Variants in PTPRM observed in about 807,000 individuals in gnomAD.
PTPRM encodes receptor-type tyrosine-protein phosphatase mu.
In PTPRM, 47 loss-of-function variants were observed where a neutral mutation model predicts 186.7. The ratio of observed to expected loss-of-function variants is 0.25; its 90% CI spans 0.20 to 0.32. PTPRM has a LOEUF of 0.32. Ranked by LOEUF, PTPRM falls within the 10% of genes least tolerant of loss-of-function variation. The probability of loss-of-function intolerance (pLI) is 1.00; values close to 1 mark genes in which losing one functional copy is unlikely to be tolerated. For synonymous variants in PTPRM, 668 were observed against 674.9 expected (o/e 0.99, Z 0.16); for missense variants, 1,494 against 1,865.0 (o/e 0.80, Z 3.66).
intron 1 of PTPRM, among the ~76,000 whole-genome samples, chr18:7,707,497 C>T (rs1219923725): frequency 2.6e-5 from 4 of 151,606 alleles, no homozygotes; most frequent in East Asian, 1.9e-4. Context: ...AAATTAGCTG[C>T]GTGTAGTGGT....
chr18:7,674,121 A>G (rs1208141273), intron 1 of PTPRM, among the ~76,000 whole-genome samples: 3 of 152,042 alleles, frequency 2.0e-5, no homozygotes, highest in Non-Finnish European at 4.4e-5. Flanking sequence ...GAGGAAAGAG[A>G]AGGGGGTTCT....
At chr18:8,103,381 C>G (rs767725947) in intron 11 of PTPRM, among the ~76,000 whole-genome samples, 4 of 152,232 alleles carry the variant, frequency 2.6e-5, no homozygotes, top group Non-Finnish European at 4.4e-5. Context: ...ATGACTTTAG[C>G]TAGATCTTCT....
At chr18:8,289,567 T>TATATACATATATATATACAC (rs2095013625) in intron 19 of PTPRM, among the ~76,000 whole-genome samples, 1 of 123,690 alleles carries the variant, frequency 8.1e-6, no homozygotes, top group African/African-American at 3.7e-5. Context: ...TATACACATA[T>TATATACATATATATATACAC]ATATATATAC....
rs749718741 is a variant in PTPRM at position 8,069,876 on chromosome 18, C to G, written c.1323C>G (p.His441Gln). Residue 441 changes from histidine (H) to glutamine (Q), a missense_variant, in exon 8 of 33, where the codon CAC (histidine) becomes CAG (glutamine). Physicochemically the swap from His to Gln is conservative, Grantham distance 24 (BLOSUM62 0). Transcript: ENST00000580170. ...TAAGCTGGGATACAGAAAACTCACA[C>G]CCTCAACACACGATCACTAACCTGT... ...EEVSWDTENS[H>Q]PQHTITNLSP... 3.7e-6 allele frequency: 6 copies of G among 1,613,570 alleles called. No homozygotes were observed. In the South Asian group the frequency reaches 6.6e-5, roughly 18 times the overall value.
chr18:7,594,203 A>G (rs1357069452), intron 1 of PTPRM, among the ~76,000 whole-genome samples: 1 of 152,210 alleles, frequency 6.6e-6, no homozygotes, highest in Non-Finnish European at 1.5e-5. Context: ...ATAAAAAGAA[A>G]AGAAAATTGT....
At chr18:8,143,172 T>C (rs1042236031) in intron 13 of PTPRM, among the ~76,000 whole-genome samples, 2 of 152,202 alleles carry the variant, frequency 1.3e-5, no homozygotes, top group Non-Finnish European at 2.9e-5. Flanking sequence ...AAATGCATGG[T>C]AAATGAGCTT....
At chr18:8,107,726 A>G (rs1028413882) in intron 11 of PTPRM, among the ~76,000 whole-genome samples, 2 of 152,242 alleles carry the variant, frequency 1.3e-5, no homozygotes, top group Non-Finnish European at 2.9e-5. Flanking sequence ...AGTTGCTAAT[A>G]TAGAATATTC....
chr18:7,794,983 C>CT (rs1355830860), intron 2 of PTPRM, among the ~76,000 whole-genome samples: 1 of 152,192 alleles, frequency 6.6e-6, no homozygotes, highest in Non-Finnish European at 1.5e-5. Flanking sequence ...TGTTCCCAGT[C>CT]TACATCCTGG....
intron 14 of PTPRM, among the ~76,000 whole-genome samples, chr18:8,238,669 T>TTTTTG (rs1568578303): frequency 1.4e-5 from 2 of 140,994 alleles, no homozygotes; most frequent in African/African-American, 5.2e-5. Context: ...TTTTTTTTTT[T>TTTTTG]TTTTTTTTTT....
chr18:8,127,293 G>T (rs1175744402), intron 13 of PTPRM, among the ~76,000 whole-genome samples: 4 of 152,038 alleles, frequency 2.6e-5, no homozygotes, highest in Admixed American at 1.3e-4. Flanking sequence ...TAAGGGACAG[G>T]GTCAGCCATA....
At chr18:7,684,013 G>A (rs1387070931) in intron 1 of PTPRM, among the ~76,000 whole-genome samples, 1 of 152,110 alleles carries the variant, frequency 6.6e-6, no homozygotes, top group Non-Finnish European at 1.5e-5. Flanking sequence ...CCTCTTCAGG[G>A]CCTGCAGTGG....
intron 2 of PTPRM, among the ~76,000 whole-genome samples, chr18:7,807,756 C>T (rs1032436276): frequency 2.6e-5 from 4 of 152,088 alleles, no homozygotes; most frequent in Non-Finnish European, 4.4e-5. Flanking sequence ...GTGCCTGTGT[C>T]GTATTGCTGA....
intron 22 of PTPRM, among the ~76,000 whole-genome samples, chr18:8,329,283 G>GA: frequency 6.6e-6 from 1 of 152,312 alleles, no homozygotes; most frequent in East Asian, 1.9e-4. Flanking sequence ...ACTTAAAGCA[G>GA]AACTATATTT....
intron 11 of PTPRM, 138 bp downstream of exon 11, chr18:8,088,989 A>T (rs1169818241): frequency 1.6e-6 from 1 of 639,418 alleles, no homozygotes; most frequent in East Asian, 2.8e-5. Flanking sequence ...GCTCTAATTA[A>T]AAGTAATGAC....
At chr18:8,385,065 A>G (rs2095763341) in intron 30 of PTPRM, among the ~76,000 whole-genome samples, 2 of 152,086 alleles carry the variant, frequency 1.3e-5, no homozygotes, top group Non-Finnish European at 2.9e-5. Context: ...AAGGGGAGGC[A>G]TGAAGAGTAA....
At chr18:7,964,297 C>T (rs965618727) in intron 7 of PTPRM, among the ~76,000 whole-genome samples, 4 of 152,196 alleles carry the variant, frequency 2.6e-5, no homozygotes, top group African/African-American at 7.2e-5. Flanking sequence ...TCAGAGGAAA[C>T]AGTGTTCCCC....
In PTPRM at chr18:8,113,906, T is replaced by G. The variant is rs1039557267; in HGVS notation, c.2130+147T>G. 3 of 946,948 alleles carry G rather than the reference T, an allele frequency of 3.2e-6. No homozygotes were observed. In the African/African-American group the frequency reaches 5.0e-5, roughly 16 times the overall value. 58.7% of individuals were successfully genotyped at this position (946,948 alleles called of 1,614,324 possible). A position where few individuals can be genotyped will look rare whatever the true frequency, so the allele number is the denominator to read the frequency against. On this transcript the variant is annotated intron_variant, in intron 12 of 32. Coordinates refer to ENST00000580170, the MANE Select transcript of PTPRM (RefSeq NM_001105244.2). The stretch of plus-strand genomic sequence containing the variant: ...TGATTTTCTTCTCTTAAAATTATTT[T>G]TGTCTAGAGAAATTTATGGAAAGAA...
In PTPRM at chr18:8,257,855, G is replaced by A. The variant is rs138767474; in HGVS notation, c.2754+4441G>A. Among the ~76,000 whole-genome samples, 675 of 152,292 alleles carry A rather than the reference G, an allele frequency of 4.4e-3. 3 individuals are homozygous for A. Among genetic ancestry groups the A allele is most frequent in the African/African-American group, 0.016 (647 of 41,572 alleles). On this transcript the variant is annotated intron_variant, in intron 19 of 32. Transcript: ENST00000580170. ...ATTCTTCTTTATCGTTTTCAAGACA[G>A]CAGTGTCTCAAAATTGGCCTAAACA...
intron 1 of PTPRM, among the ~76,000 whole-genome samples, chr18:7,693,882 G>C (rs2039786637): frequency 8.5e-6 from 1 of 117,400 alleles, no homozygotes; most frequent in Non-Finnish European, 1.8e-5. Flanking sequence ...GCTATGAACA[G>C]GAGTAGGGGA....
Sources: gnomAD v4.1 joint callset for allele counts (sites outside exome capture counted in the v4.1 genomes callset) on GRCh38, gnomAD v4.1.1 for gene constraint, MANE v1.5 for transcripts, NCBI Gene and HGNC (gene_info 2026-07-23, HGNC 2026-07-21) for gene names.